ATG5: variants seen among roughly 807,000 people sequenced by gnomAD.
The protein encoded by ATG5 is autophagy related 5.
A neutral mutation model predicts 36.5 loss-of-function variants in ATG5; 14 were observed. That is an observed-to-expected ratio of 0.38 (90% CI 0.25 to 0.60). The LOEUF (loss-of-function observed/expected upper bound fraction) is 0.60, where lower values mean the gene tolerates loss of function less well. ATG5 is among the 20% of genes least tolerant of loss of function. ATG5 has a pLI of 0.60. For synonymous variants in ATG5, 95 were observed against 101.5 expected, an observed-to-expected ratio of 0.94 and a Z score of 0.38; for missense variants, 195 against 326.7, an observed-to-expected ratio of 0.60 and a Z score of 3.11.
intron 6 of ATG5, among the ~76,000 whole-genome samples, chr6:106,241,178 C>G (rs1778110255): frequency 6.6e-6 from 1 of 152,102 alleles, no homozygotes; most frequent in African/African-American, 2.4e-5. Flanking sequence ...TTAAACCCTA[C>G]AACTCATCAA....
chr6:106,306,433 T>C (rs973486829), intron 3 of ATG5, among the ~76,000 whole-genome samples: 3 of 152,210 alleles, frequency 2.0e-5, no homozygotes, highest in Admixed American at 6.5e-5. Flanking sequence ...TCTGCCTCCA[T>C]TCAGGGACAT....
chr6:106,226,861 T>C (rs555095794), intron 6 of ATG5, among the ~76,000 whole-genome samples: 3 of 152,110 alleles, frequency 2.0e-5, no homozygotes, highest in Non-Finnish European at 4.4e-5. Context: ...AACAGCTGAT[T>C]TGGGCAGCCA....
At chr6:106,203,375 C>T (rs1391488224) in intron 6 of ATG5, among the ~76,000 whole-genome samples, 3 of 152,114 alleles carry the variant, frequency 2.0e-5, no homozygotes, top group Non-Finnish European at 4.4e-5. Flanking sequence ...TACCCAGTTT[C>T]CTTTATCTGT....
intron 6 of ATG5, among the ~76,000 whole-genome samples, chr6:106,229,460 C>G (rs564112636): frequency 1.3e-5 from 2 of 150,098 alleles, no homozygotes; most frequent in East Asian, 2.0e-4. Context: ...ACAGGGAGGA[C>G]AGGGAGAGAG....
intron 7 of ATG5, among the ~76,000 whole-genome samples, chr6:106,192,795 G>T (rs1180106265): frequency 6.6e-6 from 1 of 152,140 alleles, no homozygotes; most frequent in Non-Finnish European, 1.5e-5. Flanking sequence ...AAAATAGAGC[G>T]ACGAGCTTTC....
chr6:106,325,210 G>C (rs1771242896), intron 1 of ATG5: 1 of 152,226 alleles, frequency 6.6e-6, no homozygotes, highest in Non-Finnish European at 1.5e-5. Flanking sequence ...AAATAACTGT[G>C]TTCCACAAAC....
At chr6:106,251,502 C>G in intron 5 of ATG5, among the ~76,000 whole-genome samples, 1 of 148,478 alleles carries the variant, frequency 6.7e-6, no homozygotes, top group Non-Finnish European at 1.5e-5. Context: ...CCAAATACAA[C>G]TATGTTTAAA....
chr6:106,319,085 C>T (rs1305360226), intron 1 of ATG5, among the ~76,000 whole-genome samples: 1 of 152,168 alleles, frequency 6.6e-6, no homozygotes, highest in African/African-American at 2.4e-5. Flanking sequence ...CATTTAACTT[C>T]TCTATTTCTG....
chr6:106,272,734 T>C (rs1462017678), intron 5 of ATG5, among the ~76,000 whole-genome samples: 1 of 152,248 alleles, frequency 6.6e-6, no homozygotes, highest in Non-Finnish European at 1.5e-5. Context: ...TAGGTTCTTA[T>C]ACTGGCTAGC....
At chr6:106,267,509 C>T (rs558900378) in intron 5 of ATG5, among the ~76,000 whole-genome samples, 2 of 152,172 alleles carry the variant, frequency 1.3e-5, no homozygotes, top group South Asian at 4.1e-4. Flanking sequence ...CATATGGAAC[C>T]AAAAAAGAGC....
intron 5 of ATG5, among the ~76,000 whole-genome samples, chr6:106,266,045 AATC>A (rs1779217089): frequency 6.6e-6 from 1 of 152,138 alleles, no homozygotes; most frequent in Non-Finnish European, 1.5e-5. Flanking sequence ...AAAAAAAAAA[AATC>A]AATGAATCCA....
At chr6:106,278,277 C>A (rs997093614) in intron 5 of ATG5, among the ~76,000 whole-genome samples, 2 of 152,180 alleles carry the variant, frequency 1.3e-5, no homozygotes, top group Non-Finnish European at 2.9e-5. Flanking sequence ...AACTTAAGAA[C>A]TATAGTTTGA....
chr6:106,208,739 C>T (rs180918559), intron 6 of ATG5, among the ~76,000 whole-genome samples: 2 of 152,052 alleles, frequency 1.3e-5, no homozygotes, highest in Non-Finnish European at 2.9e-5. Context: ...AAACATAAGC[C>T]GCAGGCTGGG....
intron 6 of ATG5, among the ~76,000 whole-genome samples, chr6:106,230,712 T>C (rs1007822089): frequency 1.1e-4 from 17 of 152,088 alleles, no homozygotes; most frequent in African/African-American, 1.9e-4. Context: ...TTCTGGAGAA[T>C]TGGGACCAAT....
intron 5 of ATG5, among the ~76,000 whole-genome samples, chr6:106,265,407 G>C (rs1779190769): frequency 6.6e-6 from 1 of 152,064 alleles, no homozygotes; most frequent in African/African-American, 2.4e-5. Flanking sequence ...AATAGTGGGG[G>C]ATTTTAACCC....
chr6:106,221,696 A>G (rs908984860), intron 6 of ATG5, among the ~76,000 whole-genome samples: 2 of 145,080 alleles, frequency 1.4e-5, no homozygotes, highest in African/African-American at 5.1e-5. Context: ...AAAAAAAAAA[A>G]AAAAAAGAAA....
At chr6:106,192,982 C>T (rs1038710280) in intron 7 of ATG5, among the ~76,000 whole-genome samples, 6 of 152,190 alleles carry the variant, frequency 3.9e-5, no homozygotes, top group East Asian at 1.9e-4. Flanking sequence ...TAATAGTCAG[C>T]GAGGTCAGGT....
At chr6:106,239,228 T>C (rs886323353) in intron 6 of ATG5, among the ~76,000 whole-genome samples, 1 of 151,190 alleles carries the variant, frequency 6.6e-6, no homozygotes, top group African/African-American at 2.4e-5. Flanking sequence ...CATAAATAAC[T>C]AGAAATGGAA....
intron 6 of ATG5, among the ~76,000 whole-genome samples, chr6:106,204,270 T>C (rs1192462647): frequency 6.6e-6 from 1 of 152,074 alleles, no homozygotes; most frequent in Non-Finnish European, 1.5e-5. Flanking sequence ...AAAATAAACA[T>C]GTAAGCATGT....
Sources: gnomAD v4.1 joint callset for allele counts (sites outside exome capture counted in the v4.1 genomes callset) on GRCh38, gnomAD v4.1.1 for gene constraint, MANE v1.5 for transcripts, NCBI Gene and HGNC (gene_info 2026-07-23, HGNC 2026-07-21) for gene names.